Variants in CCDC171 observed in about 807,000 individuals in gnomAD.
CCDC171 encodes the protein coiled-coil domain-containing protein 171.
Under a neutral mutation model 168.2 loss-of-function variants are expected in CCDC171, and 177 were observed. That is an observed-to-expected ratio of 1.05 (90% CI 0.93 to 1.19). The LOEUF (loss-of-function observed/expected upper bound fraction) is 1.19. Among genes scored for constraint, CCDC171 ranks in the 50% most tolerant of loss-of-function variants. The probability of loss-of-function intolerance (pLI) is 0.00; values close to 1 mark genes in which losing one functional copy is unlikely to be tolerated. For missense variants in CCDC171, 1,991 were observed against 1,539.0 expected (o/e 1.29, Z -4.91); for synonymous variants, 687 against 540.8 (o/e 1.27, Z -3.75).
At chr9:15,839,061 C>G (rs766191402) in intron 21 of CCDC171, among the ~76,000 whole-genome samples, 5 of 152,112 alleles carry the variant, frequency 3.3e-5, no homozygotes, top group African/African-American at 9.7e-5. Context: ...ATATAAAATT[C>G]TATACTACAA....
the CCDC171 span, among the ~76,000 whole-genome samples, chr9:16,067,181 G>A: frequency 2.6e-5 from 4 of 152,014 alleles, no homozygotes; most frequent in Non-Finnish European, 2.9e-5. Context: ...GTATCTCATT[G>A]TGGTTTTGAT....
chr9:15,777,790 C>G lies in CCDC171; in HGVS notation c.2862C>G (p.Ala954=), dbSNP rs975909864. 1.9e-6 allele frequency: 3 copies of G among 1,612,040 alleles called. No homozygotes were observed. In the African/African-American group the frequency reaches 4.0e-5, roughly 22 times the overall value. Residue 954 remains alanine (A), a synonymous_variant, in exon 19 of 26, where the codon GCC becomes GCG. Coordinates refer to ENST00000380701, the MANE Select transcript of CCDC171 (RefSeq NM_173550.4). ...AHGLHKVNTL[A]LKYGLRGHVP... is the part of the protein sequence containing the mutation. ...GACTTCATAAAGTAAACACACTGGCCCTGAAATATGGTTTGCGTGGCCATG... is the reference window on the plus strand; with the variant it reads ...GACTTCATAAAGTAAACACACTGGCGCTGAAATATGGTTTGCGTGGCCATG...
intron 25 of CCDC171, among the ~76,000 whole-genome samples, chr9:15,943,561 C>A (rs1041407934): frequency 1.3e-5 from 2 of 151,942 alleles, no homozygotes; most frequent in African/African-American, 4.8e-5. Flanking sequence ...CGAAGTCAGA[C>A]ATTGTGTATT....
chr9:16,017,680 A>G (rs930835606), intron 3 of CCDC171, among the ~76,000 whole-genome samples: 8 of 152,232 alleles, frequency 5.3e-5, no homozygotes, highest in African/African-American at 1.9e-4. Context: ...TCATTAAAGC[A>G]TTTTGTTAGT....
intron 21 of CCDC171, among the ~76,000 whole-genome samples, chr9:15,824,184 C>T (rs188456652): frequency 6.6e-6 from 1 of 151,978 alleles, no homozygotes; most frequent in African/African-American, 2.4e-5. Flanking sequence ...CTATGTTTAT[C>T]TGTATAGACA....
intron 21 of CCDC171, among the ~76,000 whole-genome samples, chr9:15,820,512 A>G (rs2059726780): frequency 8.5e-6 from 1 of 117,506 alleles, no homozygotes; most frequent in Non-Finnish European, 1.9e-5. Flanking sequence ...GGATATCACC[A>G]CCGATCCCAC....
At chr9:15,593,386 C>T (rs1443079977) in intron 5 of CCDC171, among the ~76,000 whole-genome samples, 1 of 152,110 alleles carries the variant, frequency 6.6e-6, no homozygotes, top group East Asian at 1.9e-4. Flanking sequence ...CAGTACACCT[C>T]AGAAAACCCA....
chr9:15,776,788 G>C (rs186513904), intron 18 of CCDC171, among the ~76,000 whole-genome samples: 2 of 152,264 alleles, frequency 1.3e-5, no homozygotes, highest in East Asian at 3.9e-4. Flanking sequence ...TTTGCTTTTT[G>C]TGCTTATGAT....
At chr9:15,686,569 G>GA (rs1489567877) in intron 10 of CCDC171, among the ~76,000 whole-genome samples, 2 of 151,556 alleles carry the variant, frequency 1.3e-5, no homozygotes. Context: ...GCAGAGGATG[G>GA]AAAAAATATA....
At chr9:15,846,923 G>C (rs2060923611) in intron 22 of CCDC171, 76 bp downstream of exon 22, 2 of 1,350,360 alleles carry the variant, frequency 1.5e-6, no homozygotes, top group African/African-American at 2.9e-5. Flanking sequence ...CCGGGTTTTA[G>C]CCCTGGATAA....
rs3082820 is a variant in CCDC171 at position 15,739,740 on chromosome 9, AT to A, written c.2050-4518del. On this transcript the variant is annotated intron_variant, in intron 16 of 25. Coordinates refer to ENST00000380701, the MANE Select transcript of CCDC171 (RefSeq NM_173550.4). ...AGACAAAATTATTTATGTAATACCA[AT>A]TTTTTTTTTTTTTTGATACCAAGTC... Among the ~76,000 whole-genome samples, 1,316 of 146,142 alleles carry A rather than the reference AT, an allele frequency of 9.0e-3. 23 individuals carry two copies. Among genetic ancestry groups the A allele is most frequent in the African/African-American group, 0.028 (1,101 of 39,784 alleles).
At chr9:16,081,851 A>G in the CCDC171 span, among the ~76,000 whole-genome samples, 1 of 150,812 alleles carries the variant, frequency 6.6e-6, no homozygotes, top group Admixed American at 6.6e-5. Flanking sequence ...CTTATTGATT[A>G]CTTTAAAAAA....
intron 7 of CCDC171, among the ~76,000 whole-genome samples, chr9:15,643,837 G>T (rs564410713): frequency 3.3e-5 from 5 of 152,090 alleles, no homozygotes; most frequent in Admixed American, 6.6e-5. Context: ...GTGGTCTTTT[G>T]TATTTGACTT....
intron 21 of CCDC171, among the ~76,000 whole-genome samples, chr9:15,804,266 T>C (rs1241428959): frequency 6.6e-6 from 1 of 152,134 alleles, no homozygotes; most frequent in East Asian, 1.9e-4. Context: ...TTCAATACTA[T>C]GTTGAATAGG....
At chr9:15,829,669 C>T (rs547989330) in intron 21 of CCDC171, among the ~76,000 whole-genome samples, 21 of 152,214 alleles carry the variant, frequency 1.4e-4, no homozygotes, top group African/African-American at 5.1e-4. Context: ...CCTGTAATCC[C>T]AGCACTTTGG....
In CCDC171 at chr9:15,922,015, G is replaced by A. The variant is rs529695523; in HGVS notation, c.3753+1593G>A. 31 of 161,818 alleles carry A rather than the reference G, an allele frequency of 1.9e-4. 1 individual carries two copies. Among genetic ancestry groups the A allele is most frequent in the Admixed American group, 1.1e-3 (17 of 16,034 alleles). 10.0% of individuals were successfully genotyped at this position (161,818 alleles called of 1,614,324 possible). A position where few individuals can be genotyped will look rare whatever the true frequency, so the allele number is the denominator to read the frequency against. On this transcript the variant is annotated intron_variant, in intron 25 of 25. Coordinates refer to ENST00000380701, the MANE Select transcript of CCDC171 (RefSeq NM_173550.4). ...TCCAAAAATTTTTACCAATTGTTAC[G>A]CTACTGATATCTTAATGAAAGTGTG...
At chr9:15,776,303 T>C (rs918236118) in intron 18 of CCDC171, 10 of 152,186 alleles carry the variant, frequency 6.6e-5, no homozygotes, top group African/African-American at 2.4e-4. Flanking sequence ...CGTTATTTAT[T>C]TAAGGAATAT....
intron 23 of CCDC171, among the ~76,000 whole-genome samples, chr9:15,852,770 G>A (rs997076922): frequency 2.2e-5 from 1 of 45,854 alleles, no homozygotes; most frequent in Non-Finnish European, 4.3e-5. Flanking sequence ...ATCATGTAAA[G>A]GCCCAACTTC....
chr9:15,979,177 T>C (rs1322954914), intron 3 of CCDC171, among the ~76,000 whole-genome samples: 1 of 152,194 alleles, frequency 6.6e-6, no homozygotes, highest in East Asian at 1.9e-4. Context: ...TTAATTCAAA[T>C]AGTTTTGTGG....
Sources: allele counts gnomAD v4.1 joint callset (sites outside exome capture counted in the v4.1 genomes callset), GRCh38; gene constraint gnomAD v4.1.1; transcripts MANE v1.5; gene names NCBI Gene and HGNC (gene_info 2026-07-23, HGNC 2026-07-21).